Variants in FMN2 observed in about 807,000 individuals in gnomAD.
FMN2 encodes formin 2.
Under a neutral mutation model 142.3 loss-of-function variants are expected in FMN2, and 51 were observed. The observed-to-expected ratio is 0.36, with a 90% CI of 0.29 to 0.45. FMN2 has a LOEUF of 0.45. Among genes scored for constraint, FMN2 ranks in the 20% least tolerant of loss-of-function variants. The pLI is 1.00. For missense variants in FMN2, 1,936 were observed against 2,122.8 expected (o/e 0.91, Z 1.73); for synonymous variants, 882 against 869.8 (o/e 1.01, Z -0.25).
chr1:240,206,314 C>T (rs911225408), intron 4 of FMN2, among the ~76,000 whole-genome samples: 1 of 152,134 alleles, frequency 6.6e-6, no homozygotes, highest in African/African-American at 2.4e-5. Context: ...GGCACATGCT[C>T]ATAATGCATT....
At position 240,228,080 on chromosome 1, in the gene FMN2, G is replaced by C. The variant is rs568046737; in HGVS notation, c.4065+16845G>C. Among the ~76,000 whole-genome samples, 413 of 151,958 alleles carry C rather than the reference G, an allele frequency of 2.7e-3. 3 individuals are homozygous for C. The South Asian group carries it at 0.027, about 10-fold the overall frequency. On this transcript the variant is annotated intron_variant, in intron 6 of 17. Coordinates refer to ENST00000319653, the MANE Select transcript of FMN2 (RefSeq NM_020066.5). Reference sequence around the variant, plus strand: ...GCACTTTGGGAGGCCGAGGCGGGTGGATCACCTGAGGTCGGGAGTTTGAGA... The same window carrying C: ...GCACTTTGGGAGGCCGAGGCGGGTGCATCACCTGAGGTCGGGAGTTTGAGA...
In FMN2 at chr1:240,272,793, G is replaced by A. The variant is rs372842703; in HGVS notation, c.4153+14761G>A. 1.1e-4 allele frequency among the ~76,000 whole-genome samples: 17 copies of A among 152,254 alleles called. No individual in the cohort carries two copies. The East Asian group carries it at 2.5e-3, about 22-fold the overall frequency. On this transcript the variant is annotated intron_variant, in intron 7 of 17. Transcript: ENST00000319653. ...GGCATGGCTGAAGCAATGACATTTC[G>A]TGCTGTTGACTATCTTGCATCTTCT...
At chr1:240,278,228 G>C (rs534136542) in intron 7 of FMN2, among the ~76,000 whole-genome samples, 1 of 152,244 alleles carries the variant, frequency 6.6e-6, no homozygotes, top group South Asian at 2.1e-4. Context: ...GCATTTGTAG[G>C]GTCAGTTGTC....
chr1:240,295,189 T>TACACACAC lies in FMN2; in HGVS notation c.4215+335_4215+342dup, dbSNP rs67137806. ...GCCAAGCATTGTTCTGTGCACTTCA[T>TACACACAC]ACACACACACACACACACACACACA... On this transcript the variant is annotated intron_variant, in intron 8 of 17. Coordinates refer to ENST00000319653, the MANE Select transcript of FMN2 (RefSeq NM_020066.5). Among the ~76,000 whole-genome samples the TACACACAC allele has an allele frequency of 7.8e-4, 112 of 144,184 alleles. 1 individual carries two copies. The highest frequency in any genetic ancestry group is 2.5e-3 in the African/African-American group (99 of 38,966). The allele number at this position is 144,184 out of a possible 152,430, so 94.6% of individuals were successfully genotyped here.
chr1:240,445,875 G>A (rs569962477), intron 16 of FMN2, among the ~76,000 whole-genome samples: 1 of 152,196 alleles, frequency 6.6e-6, no homozygotes, highest in African/African-American at 2.4e-5. Flanking sequence ...TGGGGTGAAG[G>A]CAGTAAAGAT....
chr1:240,344,776 T>C (rs1671855499), intron 13 of FMN2, among the ~76,000 whole-genome samples: 1 of 152,258 alleles, frequency 6.6e-6, no homozygotes, highest in Non-Finnish European at 1.5e-5. Context: ...CTGCAGCTAA[T>C]TAAAGGTGAT....
chr1:240,352,597 A>C (rs79955254), intron 13 of FMN2, among the ~76,000 whole-genome samples: 1 of 152,092 alleles, frequency 6.6e-6, no homozygotes, highest in Non-Finnish European at 1.5e-5. Context: ...AATTTAAAAA[A>C]AACAAACTGC....
intron 2 of FMN2, among the ~76,000 whole-genome samples, chr1:240,133,789 TTC>T (rs1321649255): frequency 6.6e-6 from 1 of 152,182 alleles, no homozygotes; most frequent in African/African-American, 2.4e-5. Context: ...AGTCTGCATT[TTC>T]TCTCTCAAAG....
intron 16 of FMN2, among the ~76,000 whole-genome samples, chr1:240,440,994 C>CT (rs11358093): frequency 0.45 from 56,918 of 127,226 alleles, 13,578 homozygotes; most frequent in Non-Finnish European, 0.52. Context: ...TTGGTGTAAA[C>CT]TTTTTTTTTT....
intron 2 of FMN2, among the ~76,000 whole-genome samples, chr1:240,141,007 C>A (rs1663157322): frequency 1.3e-5 from 2 of 152,156 alleles, no homozygotes; most frequent in Non-Finnish European, 2.9e-5. Context: ...TTGCTTTTTC[C>A]CCATGCTGCA....
At position 240,165,712 on chromosome 1, in the gene FMN2, C is replaced by T. The variant is rs376185958; in HGVS notation, c.1783-12209C>T. 3.1e-3 allele frequency among the ~76,000 whole-genome samples: 468 copies of T among 151,170 alleles called. 4 individuals are homozygous for T. The highest frequency in any genetic ancestry group is 0.01 in the African/African-American group (431 of 41,126). ...AGATAGGATTTATGTTTGCTTTTGC[C>T]GGGGACCTGGGGCACTAATATTCCA... On this transcript the variant is annotated intron_variant, in intron 2 of 17. Coordinates refer to ENST00000319653, the MANE Select transcript of FMN2 (RefSeq NM_020066.5).
chr1:240,103,916 C>CA (rs1173538035), intron 1 of FMN2, among the ~76,000 whole-genome samples: 5 of 151,540 alleles, frequency 3.3e-5, no homozygotes, highest in Non-Finnish European at 7.4e-5. Flanking sequence ...CTTGCTCTAT[C>CA]CCCAGGCTGG....
chr1:240,325,945 A>G (rs1362957193), intron 8 of FMN2, among the ~76,000 whole-genome samples: 4 of 152,206 alleles, frequency 2.6e-5, no homozygotes, highest in South Asian at 4.1e-4. Context: ...GAATATATTA[A>G]ATGTCTTTAA....
intron 2 of FMN2, among the ~76,000 whole-genome samples, chr1:240,158,124 T>A (rs1008573612): frequency 8.7e-5 from 13 of 148,716 alleles, no homozygotes; most frequent in Non-Finnish European, 1.6e-4. Context: ...ACCTCTCTCA[T>A]TTTTTTTTCT....
intron 14 of FMN2, among the ~76,000 whole-genome samples, chr1:240,358,908 G>A (rs1056124591): frequency 6.6e-5 from 10 of 152,126 alleles, no homozygotes; most frequent in African/African-American, 2.4e-4. Flanking sequence ...AGGCTGAGGT[G>A]CGCAGGTCAC....
chr1:240,375,514 A>T (rs1673012958), intron 14 of FMN2, among the ~76,000 whole-genome samples: 1 of 152,192 alleles, frequency 6.6e-6, no homozygotes, highest in Non-Finnish European at 1.5e-5. Context: ...AATTCATGGA[A>T]GTGTTTTTAT....
At chr1:240,259,279 T>C (rs115081119) in intron 7 of FMN2, among the ~76,000 whole-genome samples, 358 of 152,280 alleles carry the variant, frequency 2.4e-3, no homozygotes, top group Middle Eastern at 0.017. Flanking sequence ...GAGTTGATAA[T>C]GAGAACCTTA....
intron 2 of FMN2, among the ~76,000 whole-genome samples, chr1:240,167,199 T>C (rs1428726692): frequency 6.6e-6 from 1 of 152,234 alleles, no homozygotes; most frequent in East Asian, 1.9e-4. Context: ...AATTTTTCTG[T>C]AGAAAATTTG....
At chr1:240,341,801 G>A (rs1671754497) in intron 13 of FMN2, among the ~76,000 whole-genome samples, 1 of 152,182 alleles carries the variant, frequency 6.6e-6, no homozygotes, top group South Asian at 2.1e-4. Context: ...GGGCATATTA[G>A]GTTTATTGTA....
Sources: gnomAD v4.1 joint callset for allele counts (sites outside exome capture counted in the v4.1 genomes callset) on GRCh38, gnomAD v4.1.1 for gene constraint, MANE v1.5 for transcripts, NCBI Gene and HGNC (gene_info 2026-07-23, HGNC 2026-07-21) for gene names.